Variants in MFAP3L observed in about 807,000 individuals in gnomAD.
MFAP3L encodes microfibril associated protein 3 like, also known as microfibrillar-associated protein 3-like.
Under a neutral mutation model 20.0 loss-of-function variants are expected in MFAP3L, and 5 were observed. That is an observed-to-expected ratio of 0.25 (90% CI 0.13 to 0.53). The LOEUF (loss-of-function observed/expected upper bound fraction) is 0.53, where lower values mean the gene tolerates loss of function less well. MFAP3L is among the 20% of genes least tolerant of loss of function. The pLI, the probability that MFAP3L is intolerant of heterozygous loss-of-function variation, is 0.96. For missense variants in MFAP3L, 409 were observed against 527.5 expected, an observed-to-expected ratio of 0.78 and a Z score of 2.20; for synonymous variants, 219 against 213.0, an observed-to-expected ratio of 1.03 and a Z score of -0.25.
In MFAP3L at chr4:170,026,247, G is replaced by T. The variant is rs1447989322; in HGVS notation, c.-147C>A. 24 of 984,570 alleles carry T rather than the reference G, an allele frequency of 2.4e-5. No homozygotes were observed. Among genetic ancestry groups the T allele is most frequent in the Non-Finnish European group, 2.7e-5 (22 of 829,688 alleles). 61.0% of individuals were successfully genotyped at this position (984,570 alleles called of 1,614,324 possible). A position where few individuals can be genotyped will look rare whatever the true frequency, so the allele number is the denominator to read the frequency against. ...GCCCCCGCTAACCTGACACCGCCGCGCCACTCAGGTGGCCGCCGTGCACCC... is the reference window on the plus strand; with the variant it reads ...GCCCCCGCTAACCTGACACCGCCGCTCCACTCAGGTGGCCGCCGTGCACCC... On this transcript the variant is annotated 5_prime_UTR_variant, in exon 1 of 3. Transcript: ENST00000361618.
intron 2 of MFAP3L, among the ~76,000 whole-genome samples, chr4:170,000,774 A>G (rs980800732): frequency 2.6e-5 from 4 of 152,144 alleles, no homozygotes; most frequent in Non-Finnish European, 5.9e-5. Flanking sequence ...CCAGGCTGGA[A>G]AGCAGTATTG....
intron 2 of MFAP3L, among the ~76,000 whole-genome samples, chr4:169,995,726 A>C (rs1329533342): frequency 6.6e-6 from 1 of 152,224 alleles, no homozygotes; most frequent in African/African-American, 2.4e-5. Flanking sequence ...TTACACGCGA[A>C]GTGGGGATAC....
chr4:170,025,179 A>C (rs1740272761), intron 1 of MFAP3L, among the ~76,000 whole-genome samples: 1 of 152,226 alleles, frequency 6.6e-6, no homozygotes, highest in Non-Finnish European at 1.5e-5. Flanking sequence ...ATGTCAGAAG[A>C]ACTACACTGT....
At chr4:169,993,887 A>G (rs990659746) in intron 2 of MFAP3L, 1 of 152,546 alleles carries the variant, frequency 6.6e-6, no homozygotes, top group African/African-American at 2.4e-5. Flanking sequence ...TGTATGAACA[A>G]ACCAACCTAC....
In MFAP3L at chr4:169,988,287, C is replaced by T. The variant is rs919272301; in HGVS notation, c.*3091G>A. ...ACCATTATAAATTACATAGATTTTT[C>T]CATATAAAATTGTTTTCCCCATTTA... On this transcript the variant is annotated 3_prime_UTR_variant, in exon 3 of 3. Coordinates refer to ENST00000361618, the MANE Select transcript of MFAP3L (RefSeq NM_021647.8). 4 of 152,072 alleles carry T rather than the reference C, an allele frequency of 2.6e-5. No homozygotes were observed. Among genetic ancestry groups the T allele is most frequent in the Non-Finnish European group, 5.9e-5 (4 of 68,006 alleles). 9.4% of individuals were successfully genotyped at this position (152,072 alleles called of 1,614,324 possible).
In MFAP3L at chr4:170,026,224, C is replaced by G. The variant is rs1730399142; in HGVS notation, c.-134+10G>C. The G allele has an allele frequency of 1.0e-6, 1 of 984,526 alleles. No individual in the cohort carries two copies. Among genetic ancestry groups the G allele is most frequent in the African/African-American group, 1.8e-5 (1 of 57,142 alleles). 61.0% of individuals were successfully genotyped at this position (984,526 alleles called of 1,614,324 possible). A position where few individuals can be genotyped will look rare whatever the true frequency, so the allele number is the denominator to read the frequency against. ...CCCTCCGCCCCGGCCCGCCGGGGGC[C>G]CCCGCTAACCTGACACCGCCGCGCC... On this transcript the variant is annotated intron_variant, in intron 1 of 2. Coordinates refer to ENST00000361618, the MANE Select transcript of MFAP3L (RefSeq NM_021647.8).
intron 1 of MFAP3L, among the ~76,000 whole-genome samples, chr4:170,011,910 A>G (rs962219900): frequency 2.0e-5 from 3 of 152,200 alleles, no homozygotes; most frequent in Non-Finnish European, 2.9e-5. Context: ...GAGGAATAGA[A>G]TATTGAAAGA....
chr4:170,025,212 C>A (rs2727522), intron 1 of MFAP3L, among the ~76,000 whole-genome samples: 96,374 of 152,078 alleles, frequency 0.63, 33,416 homozygotes, highest in East Asian at 0.94. Flanking sequence ...TCTCATGAAA[C>A]GACATTTTTT....
chr4:170,021,384 C>T (rs890925094), intron 1 of MFAP3L, among the ~76,000 whole-genome samples: 1 of 152,224 alleles, frequency 6.6e-6, no homozygotes, highest in Non-Finnish European at 1.5e-5. Context: ...GAATGGTTTA[C>T]ACTGACCTAG....
intron 1 of MFAP3L, among the ~76,000 whole-genome samples, chr4:170,013,351 A>C (rs1739500622): frequency 6.6e-6 from 1 of 152,204 alleles, no homozygotes; most frequent in Non-Finnish European, 1.5e-5. Context: ...TCTTTTAAAG[A>C]GAAAAAGAAC....
At chr4:169,997,121 G>A (rs1738237604) in intron 2 of MFAP3L, among the ~76,000 whole-genome samples, 1 of 152,148 alleles carries the variant, frequency 6.6e-6, no homozygotes, top group South Asian at 2.1e-4. Flanking sequence ...TGGGATAGAT[G>A]ACTGTTCATT....
At chr4:169,995,280 C>G (rs78212342) in intron 2 of MFAP3L, among the ~76,000 whole-genome samples, 1 of 152,146 alleles carries the variant, frequency 6.6e-6, no homozygotes, top group Non-Finnish European at 1.5e-5. Flanking sequence ...TAGAAGAGAA[C>G]TAAGGTCCCG....
chr4:169,988,402 T>C lies in MFAP3L; in HGVS notation c.*2976A>G, dbSNP rs1737423069. The C allele has an allele frequency of 6.6e-6, 1 of 152,212 alleles. No homozygotes were observed. The highest frequency in any genetic ancestry group is 1.5e-5 in the Non-Finnish European group (1 of 68,038). 9.4% of individuals were successfully genotyped at this position (152,212 alleles called of 1,614,324 possible). On this transcript the variant is annotated 3_prime_UTR_variant, in exon 3 of 3. Transcript: ENST00000361618. ...ATTTTCAGAATTTCAAGAAAAACAT[T>C]GCTAGAGATATGACCAGGATGACTC...
intron 2 of MFAP3L, among the ~76,000 whole-genome samples, chr4:169,999,316 G>A (rs1418626715): frequency 6.6e-6 from 1 of 152,160 alleles, no homozygotes; most frequent in Non-Finnish European, 1.5e-5. Flanking sequence ...AGGAAGGTGG[G>A]GATGGAAGGA....
At chr4:170,017,957 T>C (rs751739015) in intron 1 of MFAP3L, among the ~76,000 whole-genome samples, 35 of 152,190 alleles carry the variant, frequency 2.3e-4, no homozygotes, top group Non-Finnish European at 4.4e-4. Context: ...GCCAGTCATA[T>C]CAATTAAATA....
chr4:170,005,502 GAACT>G (rs1738969854), intron 2 of MFAP3L, 74 bp downstream of exon 2: 8 of 1,433,558 alleles, frequency 5.6e-6, no homozygotes, highest in East Asian at 2.3e-5. Context: ...TGCATGAGAA[GAACT>G]AACATCACGG....
intron 1 of MFAP3L, among the ~76,000 whole-genome samples, chr4:170,011,704 G>A (rs925062648): frequency 4.6e-5 from 7 of 152,060 alleles, no homozygotes; most frequent in Non-Finnish European, 1.0e-4. Flanking sequence ...GTCAGAATCC[G>A]GCAGGGGACA....
chr4:169,999,425 T>C (rs1738454588), intron 2 of MFAP3L, among the ~76,000 whole-genome samples: 1 of 152,206 alleles, frequency 6.6e-6, no homozygotes, highest in Non-Finnish European at 1.5e-5. Flanking sequence ...AAACATCTGT[T>C]CCTCTAGCTA....
intron 2 of MFAP3L, chr4:169,994,503 C>A (rs1737988466): frequency 1.0e-6 from 1 of 974,930 alleles, no homozygotes; most frequent in Non-Finnish European, 1.2e-6. Flanking sequence ...CTAGTTACAA[C>A]ATCCCAATGC....
Sources: allele counts gnomAD v4.1 joint callset (sites outside exome capture counted in the v4.1 genomes callset), GRCh38; gene constraint gnomAD v4.1.1; transcripts MANE v1.5; gene names NCBI Gene and HGNC (gene_info 2026-07-23, HGNC 2026-07-21).